The following AGXT2 variants were observed in gnomAD, a reference collection of about 807,000 sequenced individuals.
AGXT2 encodes the protein alanine--glyoxylate aminotransferase 2, also known as alanine--glyoxylate aminotransferase 2, mitochondrial.
In AGXT2, 61 loss-of-function variants were observed where a neutral mutation model predicts 62.5. That is an observed-to-expected ratio of 0.98 (90% CI 0.79 to 1.21). The LOEUF is 1.21. Ranked by LOEUF, AGXT2 falls within the 50% of genes most tolerant of loss-of-function variation. AGXT2 has a pLI of 0.00. For synonymous variants in AGXT2, 243 were observed against 218.7 expected (o/e 1.11, Z -0.98); for missense variants, 666 against 641.5 (o/e 1.04, Z -0.41).
At chr5:35,034,939 A>C (rs1767706601) in intron 5 of AGXT2, among the ~76,000 whole-genome samples, 1 of 152,104 alleles carries the variant, frequency 6.6e-6, no homozygotes. Context: ...AAGTTAAAAA[A>C]CTGTCATGTG....
chr5:35,004,725 G>A (rs143712572), intron 12 of AGXT2, among the ~76,000 whole-genome samples: 232 of 152,278 alleles, frequency 1.5e-3, no homozygotes, highest in African/African-American at 5.2e-3. Context: ...TCAGGTGACC[G>A]GGCTAAGCGA....
chr5:35,008,909 T>C (rs1244806939), intron 12 of AGXT2, among the ~76,000 whole-genome samples: 1 of 152,168 alleles, frequency 6.6e-6, no homozygotes, highest in East Asian at 1.9e-4. Context: ...GGCTTTGATT[T>C]TATGGAGGAA....
At chr5:35,020,341 C>T (rs985195684) in intron 9 of AGXT2, among the ~76,000 whole-genome samples, 10 of 152,106 alleles carry the variant, frequency 6.6e-5, no homozygotes, top group Non-Finnish European at 1.5e-4. Flanking sequence ...ACTGGCAAAA[C>T]GAATCCAGCA....
chr5:35,042,005 T>C (rs1768008303), intron 1 of AGXT2, among the ~76,000 whole-genome samples: 1 of 152,196 alleles, frequency 6.6e-6, no homozygotes, highest in African/African-American at 2.4e-5. Flanking sequence ...TCATTGTGTC[T>C]CTCTGCATTC....
rs142665211 is a variant in AGXT2, at chr5:35,013,012, T to C, written c.1130A>G (p.His377Arg). 6.4e-7 allele frequency: 1 copy of C among 1,551,606 alleles called. No homozygotes were observed. Among genetic ancestry groups the C allele is most frequent in the Non-Finnish European group, 8.7e-7 (1 of 1,147,000 alleles). The change falls in exon 11 of 14, where the codon CAC becomes CGC. Residue 377 changes from histidine (H) to arginine (R), a missense_variant. By Grantham distance (29) the His-to-Arg change is conservative. Coordinates refer to ENST00000231420, the MANE Select transcript of AGXT2 (RefSeq NM_031900.4). ...GGGGTTCCCTCCAAAGGTGTTGAAG[T>C]GCTGCAGGCATTTCGCCAAAGATTT... ...IAKSLAKCLQHFNTFGGNPMA... is the reference protein window; with the variant it reads ...IAKSLAKCLQRFNTFGGNPMA...
intron 1 of AGXT2, among the ~76,000 whole-genome samples, chr5:35,045,773 T>C (rs1272260591): frequency 8.0e-6 from 1 of 125,318 alleles, no homozygotes; most frequent in African/African-American, 2.8e-5. Context: ...TCTTTTTTTT[T>C]TTTTTTTTTT....
At chr5:34,998,901 A>C (rs1405737285) in intron 13 of AGXT2, 75 bp from the exon 14 acceptor site, 1 of 1,107,370 alleles carries the variant, frequency 9.0e-7, no homozygotes, top group African/African-American at 1.5e-5. Flanking sequence ...GCACTAAACT[A>C]AAAATCCAAA....
At chr5:35,011,314 G>A (rs1766628283) in intron 11 of AGXT2, among the ~76,000 whole-genome samples, 1 of 152,116 alleles carries the variant, frequency 6.6e-6, no homozygotes, top group African/African-American at 2.4e-5. Flanking sequence ...ACAAAAGTTA[G>A]TTGGGCATGG....
intron 9 of AGXT2, among the ~76,000 whole-genome samples, chr5:35,017,665 C>A (rs1240594486): frequency 6.6e-6 from 1 of 152,158 alleles, no homozygotes; most frequent in African/African-American, 2.4e-5. Context: ...AAGCAGAGCA[C>A]CTCTCCTCCT....
chr5:35,013,492 G>A (rs373800017), intron 10 of AGXT2, among the ~76,000 whole-genome samples: 1 of 152,160 alleles, frequency 6.6e-6, no homozygotes, highest in South Asian at 2.1e-4. Flanking sequence ...ATCAGAATGG[G>A]CTGGCTTTCG....
intron 9 of AGXT2, 55 bp from the exon 10 acceptor site, chr5:35,014,174 C>T (rs1766757364): frequency 6.2e-7 from 1 of 1,610,620 alleles, no homozygotes; most frequent in South Asian, 1.1e-5. Flanking sequence ...CTGTTTTCGA[C>T]AGGGCGCGGT....
chr5:35,032,963 A>G, intron 6 of AGXT2, 138 bp from the exon 7 acceptor site: 1 of 750,732 alleles, frequency 1.3e-6, no homozygotes, highest in East Asian at 2.7e-5. Context: ...ATGAAAATTG[A>G]AGGATCTGCT....
At chr5:35,004,620 G>A (rs555774661) in intron 12 of AGXT2, among the ~76,000 whole-genome samples, 1 of 152,224 alleles carries the variant, frequency 6.6e-6, no homozygotes, top group South Asian at 2.1e-4. Flanking sequence ...TTACCTGGAA[G>A]GCTTTCAAAT....
chr5:35,018,720 A>G (rs1394108457), intron 9 of AGXT2, among the ~76,000 whole-genome samples: 1 of 147,432 alleles, frequency 6.8e-6, no homozygotes, highest in African/African-American at 2.5e-5. Flanking sequence ...TTCACACATA[A>G]CAATATTAAC....
At position 35,033,571 on chromosome 5, in the gene AGXT2, C is replaced by A; in HGVS notation, c.582-18G>T. 6.2e-7 allele frequency: 1 copy of A among 1,603,016 alleles called. No individual in the cohort carries two copies. Among genetic ancestry groups the A allele is most frequent in the South Asian group, 1.1e-5 (1 of 90,824 alleles). ...AGGCTCCTCTGCAGAGAAGAAACAA[C>A]AGGAGGATGGGGTCAAGTTCCTGGT... is the stretch of plus-strand genomic sequence containing the variant. On this transcript the variant is annotated intron_variant, in intron 5 of 13. Transcript: ENST00000231420.
At chr5:35,012,132 GTA>G (rs1766667014) in intron 11 of AGXT2, among the ~76,000 whole-genome samples, 1 of 152,008 alleles carries the variant, frequency 6.6e-6, no homozygotes, top group African/African-American at 2.4e-5. Context: ...TGGGTACAAT[GTA>G]CACTACTTGG....
intron 7 of AGXT2, among the ~76,000 whole-genome samples, chr5:35,032,249 G>T (rs1000801260): frequency 6.6e-6 from 1 of 151,444 alleles, no homozygotes; most frequent in East Asian, 1.9e-4. Flanking sequence ...ACCATGCCCC[G>T]CCGGGCCTTG....
intron 9 of AGXT2, among the ~76,000 whole-genome samples, chr5:35,021,935 A>G (rs867871169): frequency 9.2e-5 from 14 of 152,248 alleles, no homozygotes; most frequent in Non-Finnish European, 1.9e-4. Context: ...ACACTTCTCA[A>G]AAGAAGACAT....
At chr5:35,030,004 T>C (rs1342598053) in intron 7 of AGXT2, among the ~76,000 whole-genome samples, 1 of 152,166 alleles carries the variant, frequency 6.6e-6, no homozygotes, top group African/African-American at 2.4e-5. Context: ...ATCAATAGGT[T>C]AAGAGGAATT....
Sources: allele counts gnomAD v4.1 joint callset (sites outside exome capture counted in the v4.1 genomes callset), GRCh38; gene constraint gnomAD v4.1.1; transcripts MANE v1.5; gene names NCBI Gene and HGNC (gene_info 2026-07-23, HGNC 2026-07-21).